Variants in EDA observed in about 807,000 individuals in gnomAD.
EDA encodes ectodysplasin A, also known as ectodysplasin-A.
A neutral mutation model predicts 23.6 loss-of-function variants in EDA; 2 were observed. The ratio of observed to expected loss-of-function variants is 0.08; its 90% confidence interval spans 0.03 to 0.27. EDA has a LOEUF of 0.27. Among genes scored for constraint, EDA ranks in the 10% least tolerant of loss-of-function variants. The pLI, the probability that EDA is intolerant of heterozygous loss-of-function variation, is 1.00. For synonymous variants in EDA, 131 were observed against 132.0 expected (o/e 0.99, Z 0.05); for missense variants, 229 against 324.2 (o/e 0.71, Z 2.26).
At chrX:69,771,895 G>A (rs1303606729) in intron 1 of EDA, among the ~76,000 whole-genome samples, 10 of 112,170 alleles carry the variant, frequency 8.9e-5, no homozygotes, top group Non-Finnish European at 1.3e-4. Flanking sequence ...AAGGATTTCC[G>A]TGTTGCTACT....
intron 1 of EDA, among the ~76,000 whole-genome samples, chrX:69,932,735 C>T (rs761971637): frequency 8.9e-6 from 1 of 111,756 alleles, no homozygotes; most frequent in East Asian, 2.8e-4. Flanking sequence ...TGTTCCAACC[C>T]TCCGAATCCT....
At chrX:69,733,932 C>T (rs1383162931) in intron 1 of EDA, among the ~76,000 whole-genome samples, 54 of 104,644 alleles carry the variant, frequency 5.2e-4, no homozygotes, top group African/African-American at 1.8e-3. Flanking sequence ...TTTTTTTTAT[C>T]AAGGTAATAA....
At chrX:69,896,876 C>T (rs184694815) in intron 1 of EDA, among the ~76,000 whole-genome samples, 75 of 111,310 alleles carry the variant, frequency 6.7e-4, no homozygotes, top group Non-Finnish European at 1.2e-3. Flanking sequence ...CTATATTTAC[C>T]TTAATTTTCC....
intron 2 of EDA, among the ~76,000 whole-genome samples, chrX:69,978,317 CTAAAAAAAAAAAAA>C (rs1267554772): frequency 1.1e-4 from 2 of 18,820 alleles, no homozygotes; most frequent in African/African-American, 4.1e-4. Flanking sequence ...AACTCCATCT[CTAAAAAAAAAAAAA>C]AAAAAAAAAA....
At chrX:69,900,568 C>T (rs995079369) in intron 1 of EDA, among the ~76,000 whole-genome samples, 1 of 109,968 alleles carries the variant, frequency 9.1e-6, no homozygotes, top group Admixed American at 9.7e-5. Context: ...TTAGAACCCC[C>T]ACTTGCCTTA....
At chrX:70,028,500 T>C (rs1308023591) in intron 4 of EDA, among the ~76,000 whole-genome samples, 1 of 112,376 alleles carries the variant, frequency 8.9e-6, no homozygotes, top group African/African-American at 3.2e-5. Context: ...AGCCCTAGGA[T>C]AGTTTCATCT....
At chrX:69,868,349 A>G (rs1385876180) in intron 1 of EDA, among the ~76,000 whole-genome samples, 2 of 112,055 alleles carry the variant, frequency 1.8e-5, no homozygotes, top group African/African-American at 6.5e-5. Context: ...CCAAAATCCA[A>G]ATAAGACCAC....
At chrX:69,696,607 C>T (rs1185610433) in intron 1 of EDA, among the ~76,000 whole-genome samples, 3 of 111,592 alleles carry the variant, frequency 2.7e-5, no homozygotes, top group Non-Finnish European at 5.7e-5. Context: ...GGTTGTTTTC[C>T]TTTTATTTCT....
At chrX:69,980,429 C>T (rs1240822223) in intron 2 of EDA, among the ~76,000 whole-genome samples, 1 of 112,121 alleles carries the variant, frequency 8.9e-6, no homozygotes, top group Non-Finnish European at 1.9e-5. Flanking sequence ...TAGGCCCTAG[C>T]AACCTGTGCT....
chrX:69,805,911 T>C (rs776203056), intron 1 of EDA, among the ~76,000 whole-genome samples: 3 of 111,895 alleles, frequency 2.7e-5, no homozygotes, highest in Non-Finnish European at 5.7e-5. Flanking sequence ...AATTTTAAGA[T>C]GAACTAACTG....
chrX:69,727,219 C>T (rs139703830), intron 1 of EDA, among the ~76,000 whole-genome samples: 1,417 of 111,876 alleles, frequency 0.013, 23 homozygotes, highest in African/African-American at 0.045. Flanking sequence ...CTGCTGCACT[C>T]TGCTGCTCAT....
At chrX:69,684,374 A>G (rs935667065) in intron 1 of EDA, among the ~76,000 whole-genome samples, 3 of 111,416 alleles carry the variant, frequency 2.7e-5, no homozygotes, top group African/African-American at 9.8e-5. Flanking sequence ...GGGCATCAAC[A>G]TGTTATAATA....
rs2020299238 is a variant in EDA, at chrX:70,039,055, C to T, written c.*3446C>T. 1 of 112,470 alleles carries T rather than the reference C, an allele frequency of 8.9e-6. No individual in the cohort carries two copies. The highest frequency in any genetic ancestry group is 1.9e-5 in the Non-Finnish European group (1 of 53,273). The allele number at this position is 112,470 out of a possible 1,213,427, so 9.3% of individuals were successfully genotyped here. ...TGCAGCCTTCATCAGAACTCTTCCT[C>T]CTCCCAAGGCATTCTCCCAGCTCTA... On this transcript the variant is annotated 3_prime_UTR_variant, in exon 8 of 8. Transcript: ENST00000374552.
In EDA at chrX:69,734,050, G is replaced by A. The variant is rs969841831; in HGVS notation, c.396+117346G>A. Reference sequence around the variant, plus strand: ...CTTAAATGTTTGGTGTAATTTGCCAGTGAAGTCATATGGGGTTGGAGGGCT... The same window carrying A: ...CTTAAATGTTTGGTGTAATTTGCCAATGAAGTCATATGGGGTTGGAGGGCT... On this transcript the variant is annotated intron_variant, in intron 1 of 7. Transcript: ENST00000374552. 2.7e-5 allele frequency among the ~76,000 whole-genome samples: 3 copies of A among 111,119 alleles called. No homozygotes were observed. The Admixed American group carries it at 2.9e-4, about 11-fold the overall frequency.
At chrX:69,999,312 C>A (rs960133200) in intron 2 of EDA, among the ~76,000 whole-genome samples, 1 of 110,829 alleles carries the variant, frequency 9.0e-6, no homozygotes, top group Non-Finnish European at 1.9e-5. Flanking sequence ...CCAATGATAT[C>A]CTAGAAAAAG....
chrX:69,672,705 C>A (rs1327690726), intron 1 of EDA: 1 of 110,620 alleles, frequency 9.0e-6, no homozygotes, highest in Non-Finnish European at 1.9e-5. Context: ...CATGGTGAAA[C>A]CCCGTCTCTA....
intron 1 of EDA, among the ~76,000 whole-genome samples, chrX:69,753,251 T>C (rs1249407872): frequency 1.8e-5 from 2 of 112,025 alleles, no homozygotes; most frequent in Non-Finnish European, 3.8e-5. Context: ...GCTTTAAATG[T>C]GTCCCAGAGA....
At chrX:70,023,137 C>T (rs901911932) in intron 2 of EDA, 81 bp from the exon 3 acceptor site, 10 of 642,602 alleles carry the variant, frequency 1.6e-5, no homozygotes, top group Admixed American at 1.1e-4. Flanking sequence ...TCTTGGGGAT[C>T]CCTCCTAGTG....
intron 1 of EDA, among the ~76,000 whole-genome samples, chrX:69,915,998 TCAA>T (rs2018337294): frequency 8.9e-6 from 1 of 111,917 alleles, no homozygotes; most frequent in Non-Finnish European, 1.9e-5. Context: ...AAGATAGTCT[TCAA>T]CATCTTTTCC....
Sources: gnomAD v4.1 joint callset for allele counts (sites outside exome capture counted in the v4.1 genomes callset) on GRCh38, gnomAD v4.1.1 for gene constraint, MANE v1.5 for transcripts, NCBI Gene and HGNC (gene_info 2026-07-23, HGNC 2026-07-21) for gene names.